Variants in CRYBG3 observed in about 807,000 individuals in gnomAD.
CRYBG3 encodes the protein very large A-kinase anchor protein.
A neutral mutation model predicts 244.2 loss-of-function variants in CRYBG3; 127 were observed. That is an observed-to-expected ratio of 0.52 (90% CI 0.45 to 0.60). CRYBG3 has a LOEUF of 0.60. Among genes scored for constraint, CRYBG3 ranks in the 20% least tolerant of loss-of-function variants. CRYBG3 has a pLI of 0.00. For synonymous variants in CRYBG3, 1,132 were observed against 1,195.8 expected (o/e 0.95, Z 1.10); for missense variants, 3,325 against 3,442.5 (o/e 0.97, Z 0.85).
intron 15 of CRYBG3, among the ~76,000 whole-genome samples, chr3:97,907,116 A>C (rs1259935472): frequency 6.6e-6 from 1 of 152,154 alleles, no homozygotes; most frequent in East Asian, 1.9e-4. Flanking sequence ...ATGGTGGATA[A>C]TCTTTTTGAT....
rs854583 is a variant in CRYBG3 at position 97,940,709 on chromosome 3, C to T, written c.8506-439C>T. Among the ~76,000 whole-genome samples the T allele has an allele frequency of 9.0e-3, 1,366 of 152,062 alleles. 17 individuals are homozygous for T. The highest frequency in any genetic ancestry group is 0.026 in the African/African-American group (1,084 of 41,502). ...CAGCTATCTGGGTTTTTCAAGACCT[C>T]CCAGGGCCAACTTATGGCATTTAGT... On this transcript the variant is annotated intron_variant, in intron 19 of 21. Coordinates refer to ENST00000389622, the MANE Select transcript of CRYBG3 (RefSeq NM_153605.4).
At chr3:97,921,153 A>G (rs543174386) in intron 17 of CRYBG3, among the ~76,000 whole-genome samples, 2 of 142,810 alleles carry the variant, frequency 1.4e-5, no homozygotes, top group Admixed American at 7.6e-5. Context: ...ACATAGAATG[A>G]AGTTTTTCTT....
chr3:97,901,659 AG>A (rs1166428204), intron 15 of CRYBG3, among the ~76,000 whole-genome samples: 1 of 152,208 alleles, frequency 6.6e-6, no homozygotes, highest in African/African-American at 2.4e-5. Flanking sequence ...AGTAGATAGA[AG>A]AAAGAGAAGT....
intron 2 of CRYBG3, among the ~76,000 whole-genome samples, chr3:97,848,113 A>G (rs910494820): frequency 1.3e-5 from 2 of 152,306 alleles, no homozygotes; most frequent in East Asian, 1.9e-4. Context: ...AAATATTTGC[A>G]TCTGTTCATA....
chr3:97,877,582 G>A lies in CRYBG3; in HGVS notation c.6388G>A (p.Val2130Met). ...TTCTGTTTTATCCCTTCTCCAGTCA[G>A]TGTCAGAACGTTTAAAGATGAATTT... is the stretch of plus-strand genomic sequence containing the variant. ...SSSVLSLLQS[V>M]SERLKMNFDE... Residue 2130 changes from valine (V) to methionine (M), a missense_variant, in exon 4 of 22, where the codon GTG becomes ATG. Val to Met is a conservative substitution (Grantham distance 21). Around this residue, in one of 4 missense-constraint regions of CRYBG3, gnomAD observed 450 missense variants for 424.1 expected, o/e 1.06. Coordinates refer to ENST00000389622, the MANE Select transcript of CRYBG3 (RefSeq NM_153605.4). 1 of 1,614,108 alleles carries A rather than the reference G, an allele frequency of 6.2e-7. No individual in the cohort carries two copies. Among genetic ancestry groups the A allele is most frequent in the Non-Finnish European group, 8.5e-7 (1 of 1,180,000 alleles).
At chr3:97,896,118 CT>C (rs754089388) in intron 12 of CRYBG3, 33 bp downstream of exon 12, 2 of 1,566,424 alleles carry the variant, frequency 1.3e-6, no homozygotes, top group African/African-American at 1.4e-5. Flanking sequence ...AATTTTCTAC[CT>C]TTTAAAAAAT....
chr3:97,824,644 C>A lies in CRYBG3; in HGVS notation c.149+2289C>A, dbSNP rs143995961. ...TGGTGACAACACTTCATTATGTATTCTTTCTTTGTCACAATTAAAGAAGGC... is the reference window on the plus strand; with the variant it reads ...TGGTGACAACACTTCATTATGTATTATTTCTTTGTCACAATTAAAGAAGGC... On this transcript the variant is annotated intron_variant, in intron 1 of 21. Coordinates refer to ENST00000389622, the MANE Select transcript of CRYBG3 (RefSeq NM_153605.4). 2.1e-3 allele frequency among the ~76,000 whole-genome samples: 327 copies of A among 152,212 alleles called. 1 individual carries two copies. Among genetic ancestry groups the A allele is most frequent in the African/African-American group, 7.3e-3 (305 of 41,546 alleles).
chr3:97,836,831 C>CA (rs1280114328), intron 1 of CRYBG3, among the ~76,000 whole-genome samples: 1 of 152,108 alleles, frequency 6.6e-6, no homozygotes, highest in African/African-American at 2.4e-5. Context: ...ATAATGCCCT[C>CA]ATACTAGTTT....
chr3:97,924,546 A>T, intron 17 of CRYBG3: 2 of 357,686 alleles, frequency 5.6e-6, no homozygotes, highest in Non-Finnish European at 5.4e-6. Context: ...CTGTGGTAAA[A>T]TTAAGGTGTT....
At chr3:97,905,669 G>A (rs2039764539) in intron 15 of CRYBG3, among the ~76,000 whole-genome samples, 1 of 148,564 alleles carries the variant, frequency 6.7e-6, no homozygotes, top group South Asian at 2.2e-4. Context: ...AGTAGGTTGT[G>A]AAAATTTTCT....
chr3:97,844,526 GACTCTGTACTC>G (rs1010063126), intron 2 of CRYBG3, among the ~76,000 whole-genome samples: 3 of 152,024 alleles, frequency 2.0e-5, no homozygotes, highest in Admixed American at 2.0e-4. Flanking sequence ...ATCCCTTGTT[GACTCTGTACTC>G]ACCCTTTACC....
intron 6 of CRYBG3, among the ~76,000 whole-genome samples, chr3:97,880,446 TG>T (rs760730770): frequency 2.0e-5 from 3 of 152,226 alleles, no homozygotes; most frequent in Non-Finnish European, 4.4e-5. Context: ...GTTCAGAATT[TG>T]TGGGATGCTG....
In CRYBG3 at chr3:97,876,006, C is replaced by T. The variant is rs2039366895; in HGVS notation, c.4812C>T (p.Ser1604=). ...AAGTATACCAAATGGATGCCGAGAGCTGTATTGAAAAAACTGAGGGATCAG... is the reference window on the plus strand; with the variant it reads ...AAGTATACCAAATGGATGCCGAGAGTTGTATTGAAAAAACTGAGGGATCAG... The part of the protein sequence containing the change: ...MGEVYQMDAE[S]CIEKTEGSAV... The change falls in exon 4 of 22, where the codon AGC becomes AGT. Residue 1604 remains serine, a synonymous_variant. Transcript: ENST00000389622. The T allele has an allele frequency of 1.6e-6, 2 of 1,231,902 alleles. No individual in the cohort carries two copies. Among genetic ancestry groups the T allele is most frequent in the Non-Finnish European group, 2.0e-6 (2 of 987,922 alleles). The allele number at this position is 1,231,902 out of a possible 1,614,324, so 76.3% of individuals were successfully genotyped here.
intron 1 of CRYBG3, among the ~76,000 whole-genome samples, chr3:97,825,485 G>A (rs188777740): frequency 2.6e-5 from 4 of 152,328 alleles, no homozygotes; most frequent in East Asian, 3.9e-4. Context: ...CACACTCAGT[G>A]TGAAATGTTG....
At chr3:97,928,825 A>AT (rs1559746891) in intron 17 of CRYBG3, among the ~76,000 whole-genome samples, 1 of 151,912 alleles carries the variant, frequency 6.6e-6, no homozygotes, top group African/African-American at 2.4e-5. Flanking sequence ...TAGGAAAAAA[A>AT]TTTTTGATTT....
At chr3:97,891,948 T>G (rs2039583225) in intron 10 of CRYBG3, among the ~76,000 whole-genome samples, 1 of 152,168 alleles carries the variant, frequency 6.6e-6, no homozygotes, top group African/African-American at 2.4e-5. Flanking sequence ...ACAAGCAAAA[T>G]GCCTTGAACA....
chr3:97,824,775 T>A (rs2038556967), intron 1 of CRYBG3, among the ~76,000 whole-genome samples: 2 of 152,180 alleles, frequency 1.3e-5, no homozygotes, highest in Non-Finnish European at 2.9e-5. Context: ...ATGCTTATAT[T>A]AATTTATTTT....
At chr3:97,889,417 A>G (rs1306112967) in intron 10 of CRYBG3, 27 bp downstream of exon 10, 8 of 1,567,602 alleles carry the variant, frequency 5.1e-6, no homozygotes, top group African/African-American at 1.4e-5. Context: ...TTTTTGTAGC[A>G]GGCTAAAGAG....
chr3:97,833,520 CAT>C (rs2038685036), intron 1 of CRYBG3, among the ~76,000 whole-genome samples: 1 of 152,068 alleles, frequency 6.6e-6, no homozygotes, highest in South Asian at 2.1e-4. Flanking sequence ...AATGAGAACA[CAT>C]GGACACAGGG....
Sources: allele counts gnomAD v4.1 joint callset (sites outside exome capture counted in the v4.1 genomes callset), GRCh38; gene constraint gnomAD v4.1.1; regional missense constraint gnomAD v4.1.1; transcripts MANE v1.5; gene names NCBI Gene and HGNC (gene_info 2026-07-23, HGNC 2026-07-21).